The following PCBP3 variants were observed in gnomAD, a reference collection of about 807,000 sequenced individuals.
The protein encoded by PCBP3 is poly(rC) binding protein 3.
A neutral mutation model predicts 52.7 loss-of-function variants in PCBP3; 25 were observed. That is an observed-to-expected ratio of 0.47 (90% CI 0.35 to 0.66). The LOEUF is 0.66. Among genes scored for constraint, PCBP3 ranks in the 30% least tolerant of loss-of-function variants. The pLI, the probability that PCBP3 is intolerant of heterozygous loss-of-function variation, is 0.01. For missense variants in PCBP3, 391 were observed against 490.3 expected, an observed-to-expected ratio of 0.80 and a Z score of 1.91; for synonymous variants, 162 against 183.0, an observed-to-expected ratio of 0.89 and a Z score of 0.93.
intron 4 of PCBP3, among the ~76,000 whole-genome samples, chr21:45,814,350 AGTG>A (rs1025368506): frequency 1.4e-5 from 2 of 140,576 alleles, no homozygotes; most frequent in African/African-American, 2.7e-5. Flanking sequence ...GTGGTGAGTG[AGTG>A]GTGAATAGTG....
chr21:45,675,396 C>T (rs1036505290), intron 2 of PCBP3, among the ~76,000 whole-genome samples: 7 of 152,212 alleles, frequency 4.6e-5, no homozygotes, highest in Non-Finnish European at 5.9e-5. Context: ...CAGGCAAGGC[C>T]CAAATGCTCT....
At chr21:45,895,756 G>A (rs540491567) in intron 5 of PCBP3, among the ~76,000 whole-genome samples, 4 of 152,364 alleles carry the variant, frequency 2.6e-5, no homozygotes, top group African/African-American at 9.6e-5. Flanking sequence ...GACGTGAAGG[G>A]CCGGCTCCCA....
chr21:45,666,683 T>C (rs964478819), intron 1 of PCBP3, among the ~76,000 whole-genome samples: 3 of 152,112 alleles, frequency 2.0e-5, no homozygotes, highest in Non-Finnish European at 4.4e-5. Flanking sequence ...TACAGCCTTC[T>C]AGTTTCTGTG....
chr21:45,774,332 G>A (rs2090096898), intron 4 of PCBP3, among the ~76,000 whole-genome samples: 1 of 150,918 alleles, frequency 6.6e-6, no homozygotes, highest in Non-Finnish European at 1.5e-5. Flanking sequence ...CCTTGAACCT[G>A]TGAACCGAGA....
At chr21:45,818,624 C>T (rs1271902024) in intron 4 of PCBP3, among the ~76,000 whole-genome samples, 2 of 152,238 alleles carry the variant, frequency 1.3e-5, no homozygotes, top group African/African-American at 4.8e-5. Flanking sequence ...AAACTAAAAT[C>T]TCTCTAACCG....
intron 5 of PCBP3, 60 bp from the exon 6 acceptor site, chr21:45,896,148 C>A (rs766702733): frequency 1.3e-6 from 2 of 1,504,898 alleles, no homozygotes; most frequent in Non-Finnish European, 1.8e-6. Flanking sequence ...CCAGGACACC[C>A]CTGGATGTGC....
Position 45,754,565 on chromosome 21 carries a change from C to T in PCBP3, c.-161-852C>T, listed in dbSNP as rs147474121. ...AGCTAGAAAACAGCTAGAAAATATT[C>T]GTGAGTTTTAAATTTAGCATGACAC... On this transcript the variant is annotated intron_variant, in intron 3 of 17. Transcript: ENST00000681687. 5.3e-5 allele frequency among the ~76,000 whole-genome samples: 8 copies of T among 152,236 alleles called. No homozygotes were observed. The East Asian group carries it at 1.2e-3, about 22-fold the overall frequency.
Position 45,925,763 on chromosome 21 carries a change from A to T in PCBP3, c.718-4154A>T, listed in dbSNP as rs141526337. Among the ~76,000 whole-genome samples the T allele has an allele frequency of 9.7e-4, 148 of 152,360 alleles. 1 individual carries two copies. The highest frequency in any genetic ancestry group is 3.2e-3 in the African/African-American group (131 of 41,582). On this transcript the variant is annotated intron_variant, in intron 13 of 17. Coordinates refer to ENST00000681687, the MANE Select transcript of PCBP3 (RefSeq NM_001384156.1). ...CATGTTGATAGAAAATTCAGCTCAC[A>T]AGAAGATATAATTCAAAATTTATAC... is the stretch of plus-strand genomic sequence containing the variant.
intron 4 of PCBP3, among the ~76,000 whole-genome samples, chr21:45,792,116 C>T (rs893125773): frequency 2.6e-5 from 4 of 152,300 alleles, no homozygotes; most frequent in Admixed American, 2.6e-4. Flanking sequence ...GGCTGTGAAG[C>T]AGTTGGAGGC....
Position 45,829,452 on chromosome 21 carries a change from TC to T in PCBP3, c.-125-20507del, listed in dbSNP as rs2093391225. On this transcript the variant is annotated intron_variant, in intron 4 of 17. Coordinates refer to ENST00000681687, the MANE Select transcript of PCBP3 (RefSeq NM_001384156.1). The surrounding 1 kb of genome is among the most constrained non-coding windows in gnomAD (Gnocchi z 5.2). ...CCGCTGGGCCTCTCTTTGGCATTCC[TC>T]CTCTCTCTCCTCGGCATTCCTTCTC... is the stretch of plus-strand genomic sequence containing the variant. The T allele has an allele frequency of 6.6e-6, 1 of 152,558 alleles. No individual in the cohort carries two copies. Among genetic ancestry groups the T allele is most frequent in the South Asian group, 2.1e-4 (1 of 4,836 alleles). 9.5% of individuals were successfully genotyped at this position (152,558 alleles called of 1,614,324 possible). A position where few individuals can be genotyped will look rare whatever the true frequency, so the allele number is the denominator to read the frequency against.
At position 45,653,887 on chromosome 21, in the gene PCBP3, A is replaced by C. The variant is rs376625006; in HGVS notation, c.-279+10019A>C. On this transcript the variant is annotated intron_variant, in intron 1 of 17. Transcript: ENST00000681687. ...TTTTCCACCTTCTCCAGTAGTTTGG[A>C]GATTGTCCTATTTTTTGTTCTTTTA... Among the ~76,000 whole-genome samples the C allele has an allele frequency of 1.5e-4, 23 of 151,580 alleles. 1 individual carries two copies. The East Asian group carries it at 4.3e-3, about 28-fold the overall frequency.
intron 2 of PCBP3, among the ~76,000 whole-genome samples, chr21:45,725,327 A>G (rs956523700): frequency 1.3e-5 from 2 of 152,216 alleles, no homozygotes; most frequent in African/African-American, 4.8e-5. Context: ...TTGAATTACA[A>G]GTATCCTGTG....
rs1452358074 is a variant in PCBP3, at chr21:45,928,212, A to G, written c.718-1705A>G. Among the ~76,000 whole-genome samples, 1 of 152,214 alleles carries G rather than the reference A, an allele frequency of 6.6e-6. No homozygotes were observed. Among genetic ancestry groups the G allele is most frequent in the Admixed American group, 6.5e-5 (1 of 15,288 alleles). On this transcript the variant is annotated intron_variant, in intron 13 of 17. Coordinates refer to ENST00000681687, the MANE Select transcript of PCBP3 (RefSeq NM_001384156.1). The surrounding 1 kb of genome is among the most constrained non-coding windows in gnomAD (Gnocchi z 4.1). ...TGACTTCAGCTGGTGTCCTTGGGAC[A>G]GGATGTCCCCCACAAGCTCTCCTGG...
intron 2 of PCBP3, among the ~76,000 whole-genome samples, chr21:45,677,272 A>G (rs1489962858): frequency 1.3e-5 from 2 of 152,220 alleles, no homozygotes; most frequent in African/African-American, 2.4e-5. Flanking sequence ...ATATGGAGAA[A>G]GTTTGAGTGG....
chr21:45,753,466 G>T (rs2087736706), intron 3 of PCBP3, among the ~76,000 whole-genome samples: 2 of 151,780 alleles, frequency 1.3e-5, no homozygotes, highest in African/African-American at 4.8e-5. Context: ...CTTTTAAAAT[G>T]GGATGTAATG....
chr21:45,899,658 C>T (rs1255543300), intron 7 of PCBP3, 36 bp downstream of exon 7: 2 of 1,553,274 alleles, frequency 1.3e-6, no homozygotes, highest in Non-Finnish European at 1.8e-6. Context: ...CTCCTGGGGT[C>T]TCTGTAAGGG....
chr21:45,903,313 T>G (rs1004734913), intron 9 of PCBP3, among the ~76,000 whole-genome samples: 1 of 152,116 alleles, frequency 6.6e-6, no homozygotes, highest in South Asian at 2.1e-4. Flanking sequence ...TGAATTTAAG[T>G]TTTGAATGAC....
In PCBP3 at chr21:45,923,970, G is replaced by A. The variant is rs1320054439; in HGVS notation, c.718-5947G>A. Among the ~76,000 whole-genome samples the A allele has an allele frequency of 6.6e-5, 6 of 91,596 alleles. 1 individual carries two copies. The highest frequency in any genetic ancestry group is 3.4e-4 in the South Asian group (1 of 2,906). 60.1% of individuals were successfully genotyped at this position (91,596 alleles called of 152,430 possible). ...GTGTGCACGAGGAGATGCGAACACC[G>A]GGAACAGTCGAGTGGATAGAAACAG... On this transcript the variant is annotated intron_variant, in intron 13 of 17. Coordinates refer to ENST00000681687, the MANE Select transcript of PCBP3 (RefSeq NM_001384156.1).
At position 45,917,804 on chromosome 21, in the gene PCBP3, G is replaced by A. The variant is rs1229980253; in HGVS notation, c.717+175G>A. 3.2e-5 allele frequency: 21 copies of A among 664,346 alleles called. No homozygotes were observed. Among genetic ancestry groups the A allele is most frequent in the Non-Finnish European group, 5.5e-5 (20 of 362,618 alleles). The allele number at this position is 664,346 out of a possible 1,614,324, so 41.2% of individuals were successfully genotyped here. ...CCTCGAATAACCTTTTAACCTCTTAGCACTAATTCTGCTTGTGTTGAGGAC... is the reference window on the plus strand; with the variant it reads ...CCTCGAATAACCTTTTAACCTCTTAACACTAATTCTGCTTGTGTTGAGGAC... On this transcript the variant is annotated intron_variant, in intron 13 of 17. Transcript: ENST00000681687. The surrounding 1 kb of genome is among the most constrained non-coding windows in gnomAD (Gnocchi z 5.3).
Sources: gnomAD v4.1 joint callset for allele counts (sites outside exome capture counted in the v4.1 genomes callset) on GRCh38, gnomAD v4.1.1 for gene constraint, Gnocchi (gnomAD v3.1) non-coding constraint, MANE v1.5 for transcripts, NCBI Gene and HGNC (gene_info 2026-07-23, HGNC 2026-07-21) for gene names.